Variants in CSMD1 observed in about 807,000 individuals in gnomAD.
CSMD1 encodes the protein CUB and sushi domain-containing protein 1.
In CSMD1, 213 loss-of-function variants were observed where a neutral mutation model predicts 417.5. The observed-to-expected ratio is 0.51, with a 90% CI of 0.46 to 0.57. CSMD1 has a LOEUF of 0.57. Ranked by LOEUF, CSMD1 falls within the 20% of genes least tolerant of loss-of-function variation. CSMD1 has a pLI of 0.00. For missense variants in CSMD1, 6,923 were observed against 4,529.7 expected, an observed-to-expected ratio of 1.53 and a Z score of -15.17; for synonymous variants, 2,862 against 1,736.8, an observed-to-expected ratio of 1.65 and a Z score of -16.11.
intron 3 of CSMD1, among the ~76,000 whole-genome samples, chr8:4,099,888 C>T (rs17404378): frequency 0.094 from 14,228 of 152,116 alleles, 756 homozygotes; most frequent in Middle Eastern, 0.19. Context: ...GTACTGGGAA[C>T]CAGTTCAGAC....
chr8:4,197,750 G>A (rs781539153), intron 3 of CSMD1, among the ~76,000 whole-genome samples: 10 of 152,070 alleles, frequency 6.6e-5, no homozygotes, highest in Admixed American at 1.3e-4. Flanking sequence ...ATGGTGGTGC[G>A]TTCTTGTAAT....
At chr8:4,694,375 G>A (rs999351851) in intron 1 of CSMD1, among the ~76,000 whole-genome samples, 13 of 151,412 alleles carry the variant, frequency 8.6e-5, no homozygotes, top group Non-Finnish European at 1.0e-4. Context: ...TTTTTGAGAC[G>A]GAGTCTCGCT....
chr8:3,439,309 A>ATATATATTTTTT lies in CSMD1; in HGVS notation c.1561+29402_1561+29403insAAAAAATATATA. The stretch of plus-strand genomic sequence containing the variant: ...TATATATATATATATATATATATAT[A>ATATATATTTTTT]TTTTTTTTTTTAATATGTATTTTTA... On this transcript the variant is annotated intron_variant, in intron 12 of 69. Coordinates refer to ENST00000635120, the MANE Select transcript of CSMD1 (RefSeq NM_033225.6). Among the ~76,000 whole-genome samples the ATATATATTTTTT allele has an allele frequency of 5.3e-3, 328 of 62,308 alleles. 3 individuals carry two copies. The highest frequency in any genetic ancestry group is 0.01 in the Middle Eastern group (1 of 100). 40.9% of individuals were successfully genotyped at this position (62,308 alleles called of 152,430 possible). A position where few individuals can be genotyped will look rare whatever the true frequency, so the allele number is the denominator to read the frequency against.
chr8:4,298,491 A>G (rs1297396180), intron 3 of CSMD1, among the ~76,000 whole-genome samples: 1 of 152,174 alleles, frequency 6.6e-6, no homozygotes, highest in Admixed American at 6.5e-5. Flanking sequence ...TTATTTGAGT[A>G]ATGGATACCT....
intron 36 of CSMD1, chr8:3,182,841 G>GGGGGGTGTGTGT (rs768081848): frequency 2.6e-4 from 3 of 11,478 alleles, no homozygotes; most frequent in Non-Finnish European, 3.4e-4. Flanking sequence ...TTTATAAGAA[G>GGGGGGTGTGTGT]GTGTGTGTGT....
rs574145241 is a variant in CSMD1 at position 4,329,067 on chromosome 8, T to A, written c.415+90886A>T. Among the ~76,000 whole-genome samples, 242 of 152,280 alleles carry A rather than the reference T, an allele frequency of 1.6e-3. 2 individuals are homozygous for A. The highest frequency in any genetic ancestry group is 2.1e-3 in the Non-Finnish European group (143 of 68,008). On this transcript the variant is annotated intron_variant, in intron 3 of 69. Coordinates refer to ENST00000635120, the MANE Select transcript of CSMD1 (RefSeq NM_033225.6). ...CCCTGGAGAATAATCACATAATAAA[T>A]AAAAATTGCACAACAAATAAATCCA... is the stretch of plus-strand genomic sequence containing the variant.
chr8:4,232,535 A>C (rs1801802182), intron 3 of CSMD1, among the ~76,000 whole-genome samples: 1 of 152,170 alleles, frequency 6.6e-6, no homozygotes, highest in Non-Finnish European at 1.5e-5. Flanking sequence ...CCTATGAAGA[A>C]TAATTGACTT....
rs769430309 is a variant in CSMD1, at chr8:3,616,759, G to C, written c.1048C>G (p.Pro350Ala). Residue 350 changes from proline to alanine, a missense_variant, in exon 8 of 70, where the codon CCA becomes GCA. Transcript: ENST00000635120. ...CCATTTTCTGGAATCCCAGGATCTG[G>C]ACACATGTCAGAGACCAATGCAACA... ...GGVALVSDMC[P>A]DPGIPENGRR... 3.1e-6 allele frequency: 5 copies of C among 1,612,464 alleles called. No homozygotes were observed. The highest frequency in any genetic ancestry group is 4.5e-5 in the East Asian group (2 of 44,808).
chr8:4,429,580 A>C (rs551723652), intron 2 of CSMD1, among the ~76,000 whole-genome samples: 1 of 152,262 alleles, frequency 6.6e-6, no homozygotes, highest in Non-Finnish European at 1.5e-5. Context: ...GTCCATACTG[A>C]TTTAGGAGGC....
intron 3 of CSMD1, among the ~76,000 whole-genome samples, chr8:4,278,923 A>C (rs1796633069): frequency 6.6e-6 from 1 of 152,226 alleles, no homozygotes; most frequent in Non-Finnish European, 1.5e-5. Flanking sequence ...AACAAGCCTC[A>C]TTTAAAAATA....
intron 3 of CSMD1, among the ~76,000 whole-genome samples, chr8:4,159,980 G>C (rs551344663): frequency 2.0e-5 from 3 of 151,898 alleles, no homozygotes; most frequent in African/African-American, 7.3e-5. Context: ...ACTACCAATT[G>C]GGTTCAATGT....
At chr8:4,431,327 A>T (rs1282366913) in intron 2 of CSMD1, among the ~76,000 whole-genome samples, 3 of 152,194 alleles carry the variant, frequency 2.0e-5, no homozygotes, top group African/African-American at 7.2e-5. Context: ...GATTTTCTTA[A>T]GGGTGAACCT....
chr8:4,052,084 G>C (rs896134467), intron 3 of CSMD1, among the ~76,000 whole-genome samples: 2 of 151,896 alleles, frequency 1.3e-5, no homozygotes, highest in Non-Finnish European at 2.9e-5. Context: ...TAAATACCCA[G>C]CTAATTTCTG....
chr8:4,240,614 G>C (rs958595168), intron 3 of CSMD1, among the ~76,000 whole-genome samples: 1 of 152,084 alleles, frequency 6.6e-6, no homozygotes, highest in Admixed American at 6.6e-5. Context: ...CACTGAGGAT[G>C]GCTATCCAAT....
At chr8:4,612,931 A>C (rs1460534161) in intron 2 of CSMD1, among the ~76,000 whole-genome samples, 1 of 152,198 alleles carries the variant, frequency 6.6e-6, no homozygotes, top group African/African-American at 2.4e-5. Context: ...TGTACTAATT[A>C]TGGGAAGAGC....
At chr8:3,811,166 T>G (rs2623737) in intron 5 of CSMD1, among the ~76,000 whole-genome samples, 3 of 152,130 alleles carry the variant, frequency 2.0e-5, no homozygotes, top group Non-Finnish European at 4.4e-5. Context: ...AACAGGACTG[T>G]GAGATCTGAA....
At chr8:4,782,093 G>A (rs146195082) in intron 1 of CSMD1, among the ~76,000 whole-genome samples, 2 of 152,172 alleles carry the variant, frequency 1.3e-5, no homozygotes, top group Admixed American at 6.5e-5. Context: ...GCTAGGCTAT[G>A]CCTTTTAAAA....
intron 5 of CSMD1, among the ~76,000 whole-genome samples, chr8:3,850,698 A>C (rs1441044439): frequency 2.6e-5 from 4 of 152,236 alleles, no homozygotes; most frequent in South Asian, 4.2e-4. Flanking sequence ...CTGTCTCAAA[A>C]AATAAATATA....
chr8:3,467,035 C>T (rs1187838771), intron 12 of CSMD1, among the ~76,000 whole-genome samples: 1 of 152,172 alleles, frequency 6.6e-6, no homozygotes. Context: ...TGGCCATTCA[C>T]GTTTTTATGA....
Sources: allele counts gnomAD v4.1 joint callset (sites outside exome capture counted in the v4.1 genomes callset), GRCh38; gene constraint gnomAD v4.1.1; transcripts MANE v1.5; gene names NCBI Gene and HGNC (gene_info 2026-07-23, HGNC 2026-07-21).